The following ZNRF3 variants were observed in gnomAD, a reference collection of about 807,000 sequenced individuals.
ZNRF3 encodes E3 ubiquitin-protein ligase ZNRF3.
ZNRF3 carries 23 observed loss-of-function variants against 72.5 expected under a neutral mutation model. The ratio of observed to expected loss-of-function variants is 0.32; its 90% CI spans 0.23 to 0.45. The LOEUF (loss-of-function observed/expected upper bound fraction) is 0.45. ZNRF3 is among the 20% of genes least tolerant of loss of function. The probability of loss-of-function intolerance (pLI) is 1.00; values close to 1 mark genes in which losing one functional copy is unlikely to be tolerated. For synonymous variants in ZNRF3, 610 were observed against 545.3 expected, an observed-to-expected ratio of 1.12 and a Z score of -1.65; for missense variants, 1,169 against 1,272.1, an observed-to-expected ratio of 0.92 and a Z score of 1.23.
Position 29,001,818 on chromosome 22 carries a change from G to T in ZNRF3, c.426+14617G>T, listed in dbSNP as rs1031557364. Among the ~76,000 whole-genome samples, 6 of 151,686 alleles carry T rather than the reference G, an allele frequency of 4.0e-5. No individual in the cohort carries two copies. The South Asian group carries it at 1.2e-3, about 32-fold the overall frequency. ...TCTGGTTTATCTATTTTTTTCTTTG[G>T]TTGCTTGTGCTTTTTGTGTCATATC... is the stretch of plus-strand genomic sequence containing the variant. On this transcript the variant is annotated intron_variant, in intron 2 of 8. Coordinates refer to ENST00000544604, the MANE Select transcript of ZNRF3 (RefSeq NM_001206998.2).
At chr22:29,017,969 C>T (rs1008285917) in intron 2 of ZNRF3, 1 of 518,870 alleles carries the variant, frequency 1.9e-6, no homozygotes, top group Non-Finnish European at 3.8e-6. Context: ...GTTGAGGTAA[C>T]ATGAATAACC....
At chr22:28,982,501 G>C (rs563539827) in intron 1 of ZNRF3, among the ~76,000 whole-genome samples, 11 of 149,996 alleles carry the variant, frequency 7.3e-5, no homozygotes, top group African/African-American at 2.5e-4. Context: ...AGGGGGTCGA[G>C]GTTGCAGTAA....
At chr22:28,935,268 G>A (rs2034798706) in intron 1 of ZNRF3, among the ~76,000 whole-genome samples, 1 of 152,198 alleles carries the variant, frequency 6.6e-6, no homozygotes, top group South Asian at 2.1e-4. Flanking sequence ...AGGTTTTTAA[G>A]GTTGCCTGTG....
intron 1 of ZNRF3, among the ~76,000 whole-genome samples, chr22:28,927,154 A>G (rs1054435274): frequency 6.6e-6 from 1 of 152,174 alleles, no homozygotes; most frequent in Non-Finnish European, 1.5e-5. Flanking sequence ...TGAGATTATC[A>G]ATGTAAACTT....
intron 2 of ZNRF3, among the ~76,000 whole-genome samples, chr22:29,005,332 C>T (rs1186267006): frequency 2.0e-5 from 3 of 152,260 alleles, no homozygotes; most frequent in African/African-American, 7.2e-5. Context: ...ACTTGTGGCA[C>T]ATCAGTCCTC....
chr22:29,046,582 C>T lies in ZNRF3; in HGVS notation c.745-134C>T, dbSNP rs542911233. Reference sequence around the variant, plus strand: ...GTGCTATGGCAGTCTGAGTTCTGAGCGACTTCTCAGAAGTCTGTTCCGGCA... The same window carrying T: ...GTGCTATGGCAGTCTGAGTTCTGAGTGACTTCTCAGAAGTCTGTTCCGGCA... On this transcript the variant is annotated intron_variant, in intron 5 of 8. Coordinates refer to ENST00000544604, the MANE Select transcript of ZNRF3 (RefSeq NM_001206998.2). 7 of 980,894 alleles carry T rather than the reference C, an allele frequency of 7.1e-6. No homozygotes were observed. The South Asian group carries it at 7.4e-5, about 10-fold the overall frequency. 60.8% of individuals were successfully genotyped at this position (980,894 alleles called of 1,614,324 possible). A position where few individuals can be genotyped will look rare whatever the true frequency, so the allele number is the denominator to read the frequency against.
At chr22:28,976,964 A>G (rs769075635) in intron 1 of ZNRF3, among the ~76,000 whole-genome samples, 10 of 152,234 alleles carry the variant, frequency 6.6e-5, no homozygotes, top group Non-Finnish European at 1.5e-4. Flanking sequence ...AAGTTTTAAC[A>G]TAATTCTCTG....
intron 1 of ZNRF3, among the ~76,000 whole-genome samples, chr22:28,942,605 C>T (rs966006184): frequency 2.6e-5 from 4 of 152,218 alleles, no homozygotes; most frequent in Non-Finnish European, 5.9e-5. Flanking sequence ...ATTTGATTCT[C>T]TAGCGGTCTC....
intron 1 of ZNRF3, among the ~76,000 whole-genome samples, chr22:28,926,648 C>G (rs950254381): frequency 6.6e-6 from 1 of 151,314 alleles, no homozygotes; most frequent in African/African-American, 2.4e-5. Flanking sequence ...ACTAAAAATA[C>G]AGAAATTAGC....
chr22:28,899,788 C>T (rs1317053753), intron 1 of ZNRF3, among the ~76,000 whole-genome samples: 1 of 150,690 alleles, frequency 6.6e-6, no homozygotes, highest in African/African-American at 2.4e-5. Flanking sequence ...CTCCTAGGCT[C>T]AAACGATCCT....
At chr22:28,890,409 A>G (rs1569235170) in intron 1 of ZNRF3, among the ~76,000 whole-genome samples, 1 of 152,206 alleles carries the variant, frequency 6.6e-6, no homozygotes, top group African/African-American at 2.4e-5. Context: ...CTGAGGCAGG[A>G]GAATGGCGTG....
At position 28,951,629 on chromosome 22, in the gene ZNRF3, C is replaced by T. The variant is rs150098374; in HGVS notation, c.301-35447C>T. ...CTTTTTTACCCAGTTTATGGTAGTT[C>T]GTTAAGGCAGCCCTGGGAAATGAAT... On this transcript the variant is annotated intron_variant, in intron 1 of 8. Transcript: ENST00000544604. 6.6e-3 allele frequency among the ~76,000 whole-genome samples: 1,008 copies of T among 152,276 alleles called. 12 individuals are homozygous for T. The highest frequency in any genetic ancestry group is 0.023 in the African/African-American group (937 of 41,548).
intron 1 of ZNRF3, among the ~76,000 whole-genome samples, chr22:28,932,814 G>T (rs1179384234): frequency 6.6e-6 from 1 of 152,184 alleles, no homozygotes; most frequent in African/African-American, 2.4e-5. Context: ...CTTGATCTCA[G>T]CTAAAAGGCT....
At position 29,049,382 on chromosome 22, in the gene ZNRF3, C is replaced by T; in HGVS notation, c.1201C>T (p.Arg401Trp). The T allele has an allele frequency of 1.2e-6, 2 of 1,612,600 alleles. No individual in the cohort carries two copies. The highest frequency in any genetic ancestry group is 1.7e-6 in the Non-Finnish European group (2 of 1,179,918). The change falls in exon 8 of 9, where the codon CGG becomes TGG. Residue 401 changes from arginine (R) to tryptophan (W), a missense_variant. Coordinates refer to ENST00000544604, the MANE Select transcript of ZNRF3 (RefSeq NM_001206998.2). The surrounding 1 kb of genome is among the most constrained non-coding windows in gnomAD (Gnocchi z 5.2). ...CCCCGTCACCTTGCTGACCATGGAC[C>T]GGCACGGGGAGCAGAGCCTCTATTC... Reference protein sequence around the residue: ...GNPVTLLTMDRHGEQSLYSPQ... With the variant: ...GNPVTLLTMDWHGEQSLYSPQ...
intron 1 of ZNRF3, among the ~76,000 whole-genome samples, chr22:28,959,267 C>T (rs2035314348): frequency 6.6e-6 from 1 of 152,230 alleles, no homozygotes. Context: ...GGTAGGTGAA[C>T]ACCTCACCTT....
intron 1 of ZNRF3, among the ~76,000 whole-genome samples, chr22:28,944,926 CAAATAAATAAAT>C (rs71316875): frequency 1.5e-3 from 214 of 143,566 alleles, no homozygotes; most frequent in African/African-American, 4.6e-3. Context: ...ACTCCGTCTC[CAAATAAATAAAT>C]AAATAAATAA....
chr22:29,038,876 A>G (rs1187333648), intron 2 of ZNRF3, among the ~76,000 whole-genome samples: 1 of 152,040 alleles, frequency 6.6e-6, no homozygotes, highest in East Asian at 1.9e-4. Flanking sequence ...ATTTTTCTCA[A>G]ACAAGGTATG....
At chr22:29,019,719 T>C (rs1223427112) in intron 2 of ZNRF3, among the ~76,000 whole-genome samples, 1 of 152,134 alleles carries the variant, frequency 6.6e-6, no homozygotes, top group Non-Finnish European at 1.5e-5. Context: ...CCAAGCACTT[T>C]ACACCCATGA....
intron 1 of ZNRF3, among the ~76,000 whole-genome samples, chr22:28,907,619 T>A (rs1321993781): frequency 6.6e-6 from 1 of 152,206 alleles, no homozygotes; most frequent in East Asian, 1.9e-4. Context: ...ATATTTAGAT[T>A]TGATTACTGG....
Sources: gnomAD v4.1 joint callset for allele counts (sites outside exome capture counted in the v4.1 genomes callset) on GRCh38, gnomAD v4.1.1 for gene constraint, Gnocchi (gnomAD v3.1) non-coding constraint, MANE v1.5 for transcripts, NCBI Gene and HGNC (gene_info 2026-07-23, HGNC 2026-07-21) for gene names.